Variants in UNC13C observed in about 807,000 individuals in gnomAD.
The protein encoded by UNC13C is unc-13 homolog C.
A neutral mutation model predicts 245.4 loss-of-function variants in UNC13C; 174 were observed. The ratio of observed to expected loss-of-function variants is 0.71; its 90% CI spans 0.63 to 0.80. The LOEUF (loss-of-function observed/expected upper bound fraction) is 0.80. Ranked by LOEUF, UNC13C falls within the 30% of genes least tolerant of loss-of-function variation. The pLI is 0.00. For synonymous variants in UNC13C, 992 were observed against 895.1 expected (o/e 1.11, Z -1.93); for missense variants, 2,829 against 2,602.9 (o/e 1.09, Z -1.89).
At chr15:54,076,059 G>GATT (rs1171060076) in intron 2 of UNC13C, among the ~76,000 whole-genome samples, 7 of 66,208 alleles carry the variant, frequency 1.1e-4, no homozygotes, top group African/African-American at 3.1e-4. Context: ...CCTTCACTTA[G>GATT]ATTCTTTTTT....
chr15:53,969,008 C>G, the UNC13C span, among the ~76,000 whole-genome samples: 2 of 152,098 alleles, frequency 1.3e-5, no homozygotes, highest in Non-Finnish European at 2.9e-5. Flanking sequence ...GTGACATAAC[C>G]TTCCTTACTA....
chr15:54,052,426 G>T (rs1291932640), intron 2 of UNC13C, among the ~76,000 whole-genome samples: 1 of 151,016 alleles, frequency 6.6e-6, no homozygotes, highest in Admixed American at 6.6e-5. Flanking sequence ...AGCACCTGTT[G>T]TTTCCTGACT....
rs76790519 is a variant in UNC13C, at chr15:54,493,394, T to C, written c.4934-1214T>C. On this transcript the variant is annotated intron_variant, in intron 19 of 32. Coordinates refer to ENST00000260323, the MANE Select transcript of UNC13C (RefSeq NM_001080534.3). Reference sequence around the variant, plus strand: ...CTCCCTTCCTGCCTCTCTCCCTCACTCTCTCCTCTCTCTCTCTTTCTGTCT... The same window carrying C: ...CTCCCTTCCTGCCTCTCTCCCTCACCCTCTCCTCTCTCTCTCTTTCTGTCT... Among the ~76,000 whole-genome samples, 213 of 152,106 alleles carry C rather than the reference T, an allele frequency of 1.4e-3. 2 individuals are homozygous for C. Among genetic ancestry groups the C allele is most frequent in the African/African-American group, 4.8e-3 (198 of 41,518 alleles).
chr15:54,622,049 A>G (rs1018558220), intron 30 of UNC13C, among the ~76,000 whole-genome samples: 7 of 152,280 alleles, frequency 4.6e-5, no homozygotes, highest in Non-Finnish European at 1.0e-4. Flanking sequence ...TGGCTAGTAA[A>G]TCAACCCTAG....
At chr15:54,344,547 A>G (rs2038814468) in intron 17 of UNC13C, among the ~76,000 whole-genome samples, 1 of 152,136 alleles carries the variant, frequency 6.6e-6, no homozygotes, top group Admixed American at 6.5e-5. Flanking sequence ...TTTTTCATCA[A>G]CATTGTTATT....
At chr15:54,457,744 G>A (rs547828485) in intron 19 of UNC13C, among the ~76,000 whole-genome samples, 3 of 151,742 alleles carry the variant, frequency 2.0e-5, no homozygotes, top group Non-Finnish European at 4.4e-5. Context: ...TTCTAATTGA[G>A]CTTATTTGGA....
chr15:54,228,346 A>G (rs563862531), intron 4 of UNC13C, among the ~76,000 whole-genome samples: 2 of 152,070 alleles, frequency 1.3e-5, no homozygotes, highest in South Asian at 4.2e-4. Flanking sequence ...GCTGTACCCC[A>G]CTGTGGCCAA....
chr15:54,158,833 T>C (rs1229744818), intron 4 of UNC13C, among the ~76,000 whole-genome samples: 1 of 151,848 alleles, frequency 6.6e-6, no homozygotes, highest in African/African-American at 2.4e-5. Context: ...AAAAAAATTA[T>C]GTAAAGATGA....
intron 1 of UNC13C, among the ~76,000 whole-genome samples, chr15:54,003,432 C>T (rs1894989620): frequency 6.6e-6 from 1 of 152,162 alleles, no homozygotes. Flanking sequence ...AGATAGTAAA[C>T]AGGCAAAGCT....
intron 19 of UNC13C, among the ~76,000 whole-genome samples, chr15:54,435,036 T>C (rs1212870090): frequency 2.0e-5 from 3 of 152,044 alleles, no homozygotes; most frequent in Non-Finnish European, 4.4e-5. Context: ...TGAGATACCA[T>C]CTCACGCCAG....
At chr15:54,305,030 CA>C (rs2037690520) in intron 13 of UNC13C, among the ~76,000 whole-genome samples, 1 of 151,972 alleles carries the variant, frequency 6.6e-6, no homozygotes, top group African/African-American at 2.4e-5. Context: ...CATAGAGGTG[CA>C]CTTCAATTCT....
intron 18 of UNC13C, among the ~76,000 whole-genome samples, 161 bp from the exon 19 acceptor site, chr15:54,414,820 CA>C (rs1174202678): frequency 6.6e-6 from 1 of 150,824 alleles, no homozygotes; most frequent in African/African-American, 2.4e-5. Context: ...TAGTGTGTAA[CA>C]TTTTTTTTTT....
At chr15:54,284,447 T>C (rs996997358) in intron 10 of UNC13C, among the ~76,000 whole-genome samples, 11 of 152,194 alleles carry the variant, frequency 7.2e-5, no homozygotes, top group African/African-American at 2.7e-4. Flanking sequence ...CCCAGGACAC[T>C]TTCACACAGG....
At chr15:54,531,717 A>G (rs1259436663) in intron 25 of UNC13C, among the ~76,000 whole-genome samples, 1 of 151,992 alleles carries the variant, frequency 6.6e-6, no homozygotes, top group Non-Finnish European at 1.5e-5. Flanking sequence ...TCAAATACGC[A>G]GGTGAGTGGT....
intron 10 of UNC13C, among the ~76,000 whole-genome samples, chr15:54,276,905 G>T (rs891877358): frequency 6.6e-6 from 1 of 151,376 alleles, no homozygotes; most frequent in African/African-American, 2.4e-5. Context: ...AATAATTTTG[G>T]GTATAAAGTA....
At chr15:53,927,630 C>T in the UNC13C span, among the ~76,000 whole-genome samples, 1 of 152,096 alleles carries the variant, frequency 6.6e-6, no homozygotes, top group Non-Finnish European at 1.5e-5. Flanking sequence ...ATGTACAGAA[C>T]ACAAGTGGTT....
chr15:54,552,784 TA>T (rs1896870536), intron 28 of UNC13C, among the ~76,000 whole-genome samples: 1 of 95,432 alleles, frequency 1.0e-5, no homozygotes, highest in Non-Finnish European at 1.8e-5. Context: ...ATATATAATA[TA>T]ATATATAATA....
At chr15:54,315,809 A>G (rs2037993551) in intron 13 of UNC13C, among the ~76,000 whole-genome samples, 1 of 151,934 alleles carries the variant, frequency 6.6e-6, no homozygotes, top group South Asian at 2.1e-4. Flanking sequence ...CACTCAAACT[A>G]GAACCTTGAA....
chr15:54,133,855 C>T (rs7183256), intron 2 of UNC13C, among the ~76,000 whole-genome samples: 55,796 of 151,828 alleles, frequency 0.37, 10,316 homozygotes, highest in Admixed American at 0.39. Flanking sequence ...TACACTGCCC[C>T]TTGAATAATA....
Sources: allele counts gnomAD v4.1 joint callset (sites outside exome capture counted in the v4.1 genomes callset), GRCh38; gene constraint gnomAD v4.1.1; transcripts MANE v1.5; gene names NCBI Gene and HGNC (gene_info 2026-07-23, HGNC 2026-07-21).